Variants in KNTC1 observed in about 807,000 individuals in gnomAD.
The protein encoded by KNTC1 is kinetochore-associated protein 1.
In KNTC1, 253 loss-of-function variants were observed where a neutral mutation model predicts 314.4. That is an observed-to-expected ratio of 0.80 (90% CI 0.73 to 0.89). KNTC1 has a LOEUF of 0.89. Ranked by LOEUF, KNTC1 falls within the 40% of genes least tolerant of loss-of-function variation. The pLI is 0.00. For missense variants in KNTC1, 2,475 were observed against 2,572.9 expected, an observed-to-expected ratio of 0.96 and a Z score of 0.82; for synonymous variants, 901 against 901.4, an observed-to-expected ratio of 1.00 and a Z score of 0.01.
chr12:122,580,432 AT>A (rs1055223486), intron 32 of KNTC1, among the ~76,000 whole-genome samples, 170 bp from the exon 33 acceptor site: 24 of 152,160 alleles, frequency 1.6e-4, no homozygotes, highest in African/African-American at 4.8e-4. Flanking sequence ...GAATAATTAG[AT>A]TTTTTTCAAA....
Position 122,603,219 on chromosome 12 carries a change from A to C in KNTC1, c.5077A>C (p.Ser1693Arg), listed in dbSNP as rs1452105518. The change falls in exon 48 of 64, where the codon AGC (serine) becomes CGC (arginine). Residue 1693 changes from serine to arginine, a missense_variant. Physicochemically the swap from Ser to Arg is moderately radical, Grantham distance 110. Transcript: ENST00000333479. ...AGAGTGGGCTGTAGCTATTGCCATCAGCCTTGCCCAGGATATCCCTGAAGG... is the reference window on the plus strand; with the variant it reads ...AGAGTGGGCTGTAGCTATTGCCATCCGCCTTGCCCAGGATATCCCTGAAGG... ...NPEWAVAIAI[S>R]LAQDIPEGSF... The C allele has an allele frequency of 6.2e-7, 1 of 1,611,896 alleles. No homozygotes were observed. Among genetic ancestry groups the C allele is most frequent in the East Asian group, 2.2e-5 (1 of 44,868 alleles).
intron 28 of KNTC1, 71 bp from the exon 29 acceptor site, chr12:122,575,729 A>G (rs1964971656): frequency 2.0e-6 from 3 of 1,489,036 alleles, no homozygotes; most frequent in Admixed American, 3.7e-5. Flanking sequence ...ATGTTTCTAT[A>G]TTGTTTGCTG....
rs1453702481 is a variant in KNTC1 at position 122,561,941 on chromosome 12, A to C, written c.1509A>C (p.Lys503Asn). The C allele has an allele frequency of 6.3e-7, 1 of 1,592,710 alleles. No individual in the cohort carries two copies. Among genetic ancestry groups the C allele is most frequent in the Non-Finnish European group, 8.6e-7 (1 of 1,163,722 alleles). Reference sequence around the variant, plus strand: ...CTTAGCTTTTGAAGAAAGAAGATAAAACTGCTCTCATTTATTCTGATGGCT... The same window carrying C: ...CTTAGCTTTTGAAGAAAGAAGATAACACTGCTCTCATTTATTCTGATGGCT... The part of the protein sequence containing the change: ...AKTRLLKKED[K>N]TALIYSDGLK... The change falls in exon 19 of 64, where the codon AAA becomes AAC. Residue 503 changes from lysine to asparagine, a missense_variant. Coordinates refer to ENST00000333479, the MANE Select transcript of KNTC1 (RefSeq NM_014708.6).
chr12:122,603,391 C>G, intron 48 of KNTC1, 148 bp downstream of exon 48: 1 of 671,182 alleles, frequency 1.5e-6, no homozygotes, highest in Non-Finnish European at 2.5e-6. Context: ...GGGCAGTGGG[C>G]ATGGGCAGGG....
Position 122,562,706 on chromosome 12 carries a change from A to G in KNTC1, c.1604+7A>G. 1 of 1,598,234 alleles carries G rather than the reference A, an allele frequency of 6.3e-7. No individual in the cohort carries two copies. On this transcript the variant is annotated splice_region_variant and intron_variant, in intron 20 of 63. Transcript: ENST00000333479. ...TTGGACCAGAAAAATTCAGGTGTGT[A>G]CATTTTTGTTAAAACTTTTTAGGCC...
chr12:122,570,994 T>G (rs1964645287), intron 23 of KNTC1, 31 bp from the exon 24 acceptor site: 5 of 1,603,830 alleles, frequency 3.1e-6, no homozygotes, highest in African/African-American at 2.7e-5. Context: ...CATAAAACAT[T>G]GTTTTGAACT....
chr12:122,595,688 A>T (rs1870940294), intron 43 of KNTC1, among the ~76,000 whole-genome samples: 1 of 152,220 alleles, frequency 6.6e-6, no homozygotes, highest in Non-Finnish European at 1.5e-5. Flanking sequence ...GTCATTCTTC[A>T]GTTTAGAGTG....
chr12:122,572,987 T>C lies in KNTC1; in HGVS notation c.2070T>C (p.Asn690=). The C allele has an allele frequency of 4.4e-6, 7 of 1,607,610 alleles. No individual in the cohort carries two copies. Among genetic ancestry groups the C allele is most frequent in the Non-Finnish European group, 5.1e-6 (6 of 1,176,112 alleles). ...EEVCQLRTLV[N]NLRELITLHR... is the part of the protein sequence containing the mutation. The stretch of plus-strand genomic sequence containing the variant: ...TATGTCAGCTAAGGACTTTGGTAAA[T>C]AACTTGCGAGAGTTGATCACGTTGC... Residue 690 remains asparagine, a synonymous_variant, in exon 25 of 64, where the codon AAT becomes AAC. Coordinates refer to ENST00000333479, the MANE Select transcript of KNTC1 (RefSeq NM_014708.6).
intron 48 of KNTC1, among the ~76,000 whole-genome samples, chr12:122,603,668 T>C (rs1442062921): frequency 5.9e-5 from 9 of 152,068 alleles, no homozygotes; most frequent in African/African-American, 1.9e-4. Context: ...AATTTTTGTA[T>C]TTTTAGTAGA....
chr12:122,606,843 C>A (rs1277979196), intron 51 of KNTC1, among the ~76,000 whole-genome samples: 1 of 152,100 alleles, frequency 6.6e-6, no homozygotes, highest in Non-Finnish European at 1.5e-5. Context: ...CCCTTACCCC[C>A]TGAATATTTT....
intron 44 of KNTC1, among the ~76,000 whole-genome samples, chr12:122,600,964 T>A (rs1020037158): frequency 4.0e-5 from 6 of 151,872 alleles, no homozygotes; most frequent in African/African-American, 1.5e-4. Context: ...CCTTCTTTAT[T>A]AAAACAAGAC....
At chr12:122,615,230 G>A (rs1398469498) in intron 56 of KNTC1, 144 bp downstream of exon 56, 1 of 764,398 alleles carries the variant, frequency 1.3e-6, no homozygotes, top group Non-Finnish European at 2.1e-6. Flanking sequence ...CAAACTTAAA[G>A]AACTTGGTGT....
chr12:122,532,286 G>T (rs569575946), intron 2 of KNTC1, among the ~76,000 whole-genome samples: 1 of 136,732 alleles, frequency 7.3e-6, no homozygotes, highest in African/African-American at 2.7e-5. Context: ...TTGGCTCATT[G>T]CAACCTCCGC....
At chr12:122,580,555 A>G (rs780331516) in intron 32 of KNTC1, 48 bp from the exon 33 acceptor site, 1 of 1,136,814 alleles carries the variant, frequency 8.8e-7, no homozygotes, top group South Asian at 1.4e-5. Context: ...AATTCTGATA[A>G]TATGAGAATT....
intron 24 of KNTC1, among the ~76,000 whole-genome samples, chr12:122,572,046 A>G (rs75783835): frequency 0.076 from 11,540 of 152,174 alleles, 566 homozygotes; most frequent in Middle Eastern, 0.13. Context: ...ACATTCTGCT[A>G]AGTGGTATAA....
chr12:122,534,630 G>A (rs748566157), intron 2 of KNTC1, 34 bp from the exon 3 acceptor site: 29 of 1,565,350 alleles, frequency 1.9e-5, no homozygotes. Context: ...ATATAAAAAT[G>A]TTTGAATTTT....
chr12:122,581,683 C>T (rs771102751), intron 33 of KNTC1, among the ~76,000 whole-genome samples: 11 of 149,894 alleles, frequency 7.3e-5, no homozygotes, highest in Non-Finnish European at 1.2e-4. Context: ...TTAATAGAGA[C>T]GGGGTTTTGC....
chr12:122,556,917 C>CTTTTTT (rs35101646), intron 16 of KNTC1, among the ~76,000 whole-genome samples: 4 of 88,296 alleles, frequency 4.5e-5, no homozygotes, highest in African/African-American at 1.4e-4. Context: ...AATTTTCCCT[C>CTTTTTT]TTTTTTTTTT....
rs778891147 is a variant in KNTC1 at position 122,573,043 on chromosome 12, C to T, written c.2126C>T (p.Ser709Phe). The change falls in exon 25 of 64, where the codon TCT becomes TTT. Residue 709 changes from serine to phenylalanine, a missense_variant. Physicochemically the swap from Ser to Phe is radical, Grantham distance 155. Coordinates refer to ENST00000333479, the MANE Select transcript of KNTC1 (RefSeq NM_014708.6). ...HRKYNCKLALSDFEKENTTTI... is the reference protein window; with the variant it reads ...HRKYNCKLALFDFEKENTTTI... ...AAGTACAACTGCAAATTAGCCCTCTCTGATTTTGAGAAGGTAAAGTCCAGG... is the reference window on the plus strand; with the variant it reads ...AAGTACAACTGCAAATTAGCCCTCTTTGATTTTGAGAAGGTAAAGTCCAGG... The T allele has an allele frequency of 3.7e-6, 6 of 1,612,208 alleles. No individual in the cohort carries two copies. The highest frequency in any genetic ancestry group is 2.2e-5 in the East Asian group (1 of 44,842).
Sources: allele counts gnomAD v4.1 joint callset (sites outside exome capture counted in the v4.1 genomes callset), GRCh38; gene constraint gnomAD v4.1.1; transcripts MANE v1.5; gene names NCBI Gene and HGNC (gene_info 2026-07-23, HGNC 2026-07-21).